DLEU7: variants seen among roughly 807,000 people sequenced by gnomAD.
DLEU7 encodes the protein leukemia-associated protein 7.
Under a neutral mutation model 16.0 loss-of-function variants are expected in DLEU7, and 17 were observed. That is an observed-to-expected ratio of 1.06 (90% CI 0.73 to 1.59). The LOEUF (loss-of-function observed/expected upper bound fraction) is 1.59. Ranked by LOEUF, DLEU7 falls within the 40% of genes most tolerant of loss-of-function variation. DLEU7 has a pLI of 0.00. For synonymous variants in DLEU7, 113 were observed against 139.8 expected, an observed-to-expected ratio of 0.81 and a Z score of 1.35; for missense variants, 308 against 314.9, an observed-to-expected ratio of 0.98 and a Z score of 0.17.
chr13:50,786,750 T>C (rs541732946), intron 1 of DLEU7, among the ~76,000 whole-genome samples: 20 of 152,260 alleles, frequency 1.3e-4, no homozygotes, highest in African/African-American at 4.6e-4. Context: ...TTTGTGTGAG[T>C]TAAAAATGAA....
chr13:50,760,441 A>G (rs1367775757), intron 1 of DLEU7, among the ~76,000 whole-genome samples: 2 of 152,212 alleles, frequency 1.3e-5, no homozygotes, highest in East Asian at 3.9e-4. Flanking sequence ...AGTTCACAGC[A>G]GCCTCAAACT....
intron 1 of DLEU7, among the ~76,000 whole-genome samples, chr13:50,778,671 G>T (rs1468345768): frequency 1.3e-5 from 2 of 152,196 alleles, no homozygotes; most frequent in Non-Finnish European, 1.5e-5. Flanking sequence ...CACACATAGT[G>T]CCAGCTCTTT....
chr13:50,715,596 CA>C, intron 1 of DLEU7: 1 of 152,422 alleles, frequency 6.6e-6, no homozygotes. Context: ...GGGCTCCACT[CA>C]AAAGGAGGAA....
intron 1 of DLEU7, among the ~76,000 whole-genome samples, chr13:50,716,552 T>C (rs1042756289): frequency 2.6e-5 from 4 of 152,232 alleles, no homozygotes; most frequent in Non-Finnish European, 5.9e-5. Flanking sequence ...AGACTAGTTA[T>C]TGTTCTAGAA....
At position 50,823,480 on chromosome 13, in the gene DLEU7, A is replaced by G. The variant is rs1297833964; in HGVS notation, c.500T>C (p.Leu167Pro). ...GTCAAACTGCTGTCCTTCAATCTGT[A>G]GAGCCAAATGACTGCAGATGTTTCT... ...EFRNICSHLA[L>P]QIEGQQFDRD... The change falls in exon 2 of 2, where the codon CTA becomes CCA. Residue 167 changes from leucine to proline, a missense_variant. By Grantham distance (98) the Leu-to-Pro change is moderately conservative. Coordinates refer to ENST00000504404, the MANE Select transcript of DLEU7 (RefSeq NM_001306135.2). 3.9e-6 allele frequency: 6 copies of G among 1,535,916 alleles called. No individual in the cohort carries two copies. Among genetic ancestry groups the G allele is most frequent in the Non-Finnish European group, 4.4e-6 (5 of 1,146,722 alleles).
intron 1 of DLEU7, among the ~76,000 whole-genome samples, chr13:50,734,566 G>C (rs2761854): frequency 0.081 from 12,248 of 151,824 alleles, 528 homozygotes; most frequent in East Asian, 0.15. Flanking sequence ...TGATCATTTA[G>C]AGAAAAAAGG....
chr13:50,826,821 C>T (rs1049460185), intron 1 of DLEU7, among the ~76,000 whole-genome samples: 11 of 152,154 alleles, frequency 7.2e-5, no homozygotes, highest in African/African-American at 2.7e-4. Context: ...GACAAGACAG[C>T]AGCTGATTTC....
At chr13:50,782,787 A>AG (rs1875693595) in intron 1 of DLEU7, among the ~76,000 whole-genome samples, 1 of 152,078 alleles carries the variant, frequency 6.6e-6, no homozygotes, top group Non-Finnish European at 1.5e-5. Flanking sequence ...AAAAAAAAAA[A>AG]AAACTCTTCA....
intron 1 of DLEU7, among the ~76,000 whole-genome samples, chr13:50,752,511 G>A (rs1322205553): frequency 6.6e-6 from 1 of 152,154 alleles, no homozygotes; most frequent in Admixed American, 6.5e-5. Flanking sequence ...CTCGCGGTGA[G>A]TGTTACAGTT....
At chr13:50,838,114 C>G (rs1011159549) in intron 1 of DLEU7, among the ~76,000 whole-genome samples, 2 of 152,200 alleles carry the variant, frequency 1.3e-5, no homozygotes, top group Admixed American at 6.5e-5. Flanking sequence ...ATGTCTTCCT[C>G]TGAACAAGTC....
chr13:50,765,423 T>A (rs1875073261), intron 1 of DLEU7, among the ~76,000 whole-genome samples: 1 of 145,794 alleles, frequency 6.9e-6, no homozygotes, highest in African/African-American at 2.5e-5. Context: ...GAAGAGAAAA[T>A]GAGGAGGAAG....
chr13:50,771,960 CATAT>C (rs1243542100), intron 1 of DLEU7, among the ~76,000 whole-genome samples: 1 of 152,098 alleles, frequency 6.6e-6, no homozygotes. Context: ...GTATTGGGTG[CATAT>C]ATATTTAGGA....
chr13:50,776,062 T>C (rs934802078), intron 1 of DLEU7, among the ~76,000 whole-genome samples: 8 of 152,260 alleles, frequency 5.3e-5, no homozygotes, highest in Non-Finnish European at 1.2e-4. Flanking sequence ...TTCTTACATT[T>C]TAAATTCCTT....
chr13:50,819,476 G>A (rs756936685), downstream of DLEU7, among the ~76,000 whole-genome samples: 13 of 152,168 alleles, frequency 8.5e-5, no homozygotes, highest in Admixed American at 6.5e-5. Flanking sequence ...AGAGAGCAGA[G>A]AAATACTATG....
Position 50,758,025 on chromosome 13 carries a change from A to ATTTT in DLEU7, c.460-44789_460-44786dup, listed in dbSNP as rs5803530. On this transcript the variant is annotated intron_variant, in intron 1 of 1. Transcript: ENST00000400393. ...CCCCAGTATTATTTTCATTACCAAG[A>ATTTT]TTTTTTTTTTTTTTTTTTTTTTTTT... 8.1e-4 allele frequency among the ~76,000 whole-genome samples: 72 copies of ATTTT among 89,094 alleles called. 1 individual carries two copies. The highest frequency in any genetic ancestry group is 3.3e-3 in the East Asian group (10 of 3,006). 58.4% of individuals were successfully genotyped at this position (89,094 alleles called of 152,430 possible).
At chr13:50,769,699 A>G (rs1245854883) in intron 1 of DLEU7, among the ~76,000 whole-genome samples, 2 of 152,162 alleles carry the variant, frequency 1.3e-5, no homozygotes, top group East Asian at 1.9e-4. Context: ...CACTTGTAGT[A>G]TAGTTTGAAG....
intron 1 of DLEU7, among the ~76,000 whole-genome samples, chr13:50,803,329 T>A (rs1876298789): frequency 6.6e-6 from 1 of 152,212 alleles, no homozygotes; most frequent in Non-Finnish European, 1.5e-5. Context: ...TTCTGATAAT[T>A]TAACTTGAAA....
chr13:50,726,274 G>C lies in DLEU7; in HGVS notation c.460-13034C>G, dbSNP rs1873758875. ...GATTTGCCTCCTTTGACCATCCCCA[G>C]GGCAACATGCCCATTCCTTTTTCTG... On this transcript the variant is annotated intron_variant, in intron 1 of 1. Coordinates refer to the DLEU7 transcript ENST00000400393. This position sits in a 1 kb window ranked among gnomAD's most constrained non-coding sequence, Gnocchi z 4.0. Among the ~76,000 whole-genome samples, 1 of 152,064 alleles carries C rather than the reference G, an allele frequency of 6.6e-6. No homozygotes were observed. The highest frequency in any genetic ancestry group is 2.1e-4 in the South Asian group (1 of 4,826).
At chr13:50,756,998 A>C (rs1215878467) in intron 1 of DLEU7, among the ~76,000 whole-genome samples, 2 of 152,162 alleles carry the variant, frequency 1.3e-5, no homozygotes, top group Non-Finnish European at 2.9e-5. Context: ...TATTTACTCC[A>C]GTGAGGGTGT....
Sources: allele counts gnomAD v4.1 joint callset (sites outside exome capture counted in the v4.1 genomes callset), GRCh38; gene constraint gnomAD v4.1.1; non-coding constraint Gnocchi (gnomAD v3.1); transcripts MANE v1.5; gene names NCBI Gene and HGNC (gene_info 2026-07-23, HGNC 2026-07-21).